The following NGFR variants were observed in gnomAD, a reference collection of about 807,000 sequenced individuals.
NGFR encodes the protein tumor necrosis factor receptor superfamily member 16.
NGFR carries 30 observed loss-of-function variants against 43.2 expected under a neutral mutation model. That is an observed-to-expected ratio of 0.69 (90% CI 0.52 to 0.94). The LOEUF (loss-of-function observed/expected upper bound fraction) is 0.94. Among genes scored for constraint, NGFR ranks in the 40% least tolerant of loss-of-function variants. The pLI, the probability that NGFR is intolerant of heterozygous loss-of-function variation, is 0.00. For missense variants in NGFR, 529 were observed against 602.5 expected (o/e 0.88, Z 1.28); for synonymous variants, 246 against 259.6 (o/e 0.95, Z 0.50).
intron 2 of NGFR, among the ~76,000 whole-genome samples, chr17:49,503,697 C>T (rs1481556405): frequency 6.6e-6 from 1 of 152,180 alleles, no homozygotes; most frequent in East Asian, 1.9e-4. Context: ...GGAGGTGGGA[C>T]ATCCTCCAAT....
intron 1 of NGFR, among the ~76,000 whole-genome samples, chr17:49,498,493 C>T (rs559858698): frequency 3.9e-5 from 6 of 152,308 alleles, no homozygotes; most frequent in Non-Finnish European, 7.3e-5. Flanking sequence ...GTGACCACGG[C>T]CCCATTCACT....
intron 3 of NGFR, among the ~76,000 whole-genome samples, chr17:49,509,306 G>C (rs1353931811): frequency 6.6e-6 from 1 of 152,216 alleles, no homozygotes; most frequent in Non-Finnish European, 1.5e-5. Flanking sequence ...GGAGGGCAGA[G>C]CTGGGAGCCA....
At chr17:49,502,000 A>AGGCCCCCCCCCC in intron 1 of NGFR, 63 bp from the exon 2 acceptor site, 2 of 264,886 alleles carry the variant, frequency 7.6e-6, no homozygotes, top group South Asian at 4.6e-5. Flanking sequence ...CCCCGGAAGA[A>AGGCCCCCCCCCC]CCCCCCCCAA....
intron 1 of NGFR, among the ~76,000 whole-genome samples, chr17:49,500,868 G>A (rs1250209592): frequency 2.0e-5 from 3 of 152,164 alleles, no homozygotes; most frequent in Non-Finnish European, 4.4e-5. Flanking sequence ...ACCCTGATGA[G>A]GCCGCAGGAT....
At position 49,512,570 on chromosome 17, in the gene NGFR, C is replaced by A; in HGVS notation, c.983-138C>A. Reference sequence around the variant, plus strand: ...GGTGCCTTCACTTCCTGGTGCCCCACCCAGGACCTTGTCTTGGCCCCAGGC... The same window carrying A: ...GGTGCCTTCACTTCCTGGTGCCCCAACCAGGACCTTGTCTTGGCCCCAGGC... On this transcript the variant is annotated intron_variant, in intron 5 of 5. Transcript: ENST00000172229. The surrounding 1 kb of genome is among the most constrained non-coding windows in gnomAD (Gnocchi z 5.2). 8.7e-7 allele frequency: 1 copy of A among 1,148,396 alleles called. No individual in the cohort carries two copies. Among genetic ancestry groups the A allele is most frequent in the Non-Finnish European group, 1.2e-6 (1 of 809,822 alleles). The allele number at this position is 1,148,396 out of a possible 1,614,324, so 71.1% of individuals were successfully genotyped here. A position where few individuals can be genotyped will look rare whatever the true frequency, so the allele number is the denominator to read the frequency against.
chr17:49,512,010 C>G lies in NGFR; in HGVS notation c.940C>G (p.Leu314Val). ...TGGCATCTCCGTGGACAGCCAGAGC[C>G]TGCATGACCAGCAGCCCCACACGCA... Reference protein sequence around the residue: ...DSGISVDSQSLHDQQPHTQTA... With the variant: ...DSGISVDSQSVHDQQPHTQTA... Residue 314 changes from leucine (L) to valine (V), a missense_variant, in exon 5 of 6, where the codon CTG (leucine) becomes GTG (valine). Coordinates refer to ENST00000172229, the MANE Select transcript of NGFR (RefSeq NM_002507.4). The surrounding 1 kb of genome is among the most constrained non-coding windows in gnomAD (Gnocchi z 5.2). 1 of 1,613,884 alleles carries G rather than the reference C, an allele frequency of 6.2e-7. No homozygotes were observed. The highest frequency in any genetic ancestry group is 1.1e-5 in the South Asian group (1 of 91,050).
chr17:49,502,009 A>ACCC, intron 1 of NGFR, 54 bp from the exon 2 acceptor site: 1 of 165,868 alleles, frequency 6.0e-6, no homozygotes, highest in Non-Finnish European at 1.1e-5. Context: ...AACCCCCCCC[A>ACCC]ACCCACCCCA....
chr17:49,501,924 TC>T, intron 1 of NGFR, 138 bp from the exon 2 acceptor site: 2 of 773,522 alleles, frequency 2.6e-6, no homozygotes. Flanking sequence ...TCCTAACGCC[TC>T]CCTGGTGAGC....
Position 49,502,107 on chromosome 17 carries a change from C to A in NGFR, c.111C>A (p.Tyr37Ter). The change falls in exon 2 of 6, where the codon TAC (tyrosine) becomes TAA (stop). Residue 37 changes from tyrosine to a stop codon, truncating the protein, a stop_gained. Transcript: ENST00000172229. LOFTEE classifies it high-confidence loss of function. ...AGGAGGCATGCCCCACAGGCCTGTA[C>A]ACACACAGCGGTGAGTGCTGCAAAG... is the stretch of plus-strand genomic sequence containing the variant. ...GAKEACPTGLYTHSGECCKAC... is the reference protein window; with the variant it reads ...GAKEACPTGL The A allele has an allele frequency of 2.5e-6, 4 of 1,605,188 alleles. No individual in the cohort carries two copies. Among genetic ancestry groups the A allele is most frequent in the South Asian group, 1.1e-5 (1 of 90,818 alleles).
intron 3 of NGFR, among the ~76,000 whole-genome samples, chr17:49,508,822 C>A (rs541245330): frequency 1.2e-4 from 18 of 152,240 alleles, no homozygotes; most frequent in Non-Finnish European, 2.6e-4. Context: ...TCTGGTCTGG[C>A]CACGCCTTGC....
chr17:49,513,253 T>A lies in NGFR; in HGVS notation c.*244T>A. The A allele has an allele frequency of 2.0e-6, 1 of 487,984 alleles. No homozygotes were observed. Among genetic ancestry groups the A allele is most frequent in the Non-Finnish European group, 3.6e-6 (1 of 278,248 alleles). The allele number at this position is 487,984 out of a possible 1,614,324, so 30.2% of individuals were successfully genotyped here. On this transcript the variant is annotated 3_prime_UTR_variant, in exon 6 of 6. Coordinates refer to ENST00000172229, the MANE Select transcript of NGFR (RefSeq NM_002507.4). ...AGTGCCCCTGCTGCCTCCCCAACCC[T>A]GCCCCTGCCCCGTCACCATCTCAGG... is the stretch of plus-strand genomic sequence containing the variant.
At chr17:49,508,606 G>A (rs1369691451) in intron 3 of NGFR, among the ~76,000 whole-genome samples, 1 of 152,206 alleles carries the variant, frequency 6.6e-6, no homozygotes, top group Non-Finnish European at 1.5e-5. Context: ...CCTCAGGGCA[G>A]AAGGGCTACC....
In NGFR at chr17:49,512,999, C is replaced by A. The variant is rs754805007; in HGVS notation, c.1274C>A (p.Ser425Tyr). The A allele has an allele frequency of 1.3e-6, 2 of 1,565,598 alleles. No homozygotes were observed. Among genetic ancestry groups the A allele is most frequent in the Admixed American group, 1.8e-5 (1 of 56,166 alleles). Reference protein sequence around the residue: ...ESLCSESTATSPV With the variant: ...ESLCSESTATYPV ...CTGTGCAGTGAGTCCACTGCCACAT[C>A]CCCGGTGTGAGCCCAACCGGGGAGC... The change falls in exon 6 of 6, where the codon TCC becomes TAC. Residue 425 changes from serine to tyrosine, a missense_variant. Coordinates refer to ENST00000172229, the MANE Select transcript of NGFR (RefSeq NM_002507.4). This position sits in a 1 kb window ranked among gnomAD's most constrained non-coding sequence, Gnocchi z 5.2.
chr17:49,505,519 G>A (rs932103854), intron 2 of NGFR: 4 of 152,292 alleles, frequency 2.6e-5, no homozygotes, highest in Admixed American at 1.3e-4. Flanking sequence ...TGAAGAATGA[G>A]CTTGGACATC....
rs2071134133 is a variant in NGFR, at chr17:49,495,660, G to T, written c.66+177G>T. On this transcript the variant is annotated intron_variant, in intron 1 of 5. Coordinates refer to ENST00000172229, the MANE Select transcript of NGFR (RefSeq NM_002507.4). The surrounding 1 kb of genome is among the most constrained non-coding windows in gnomAD (Gnocchi z 6.4). ...AAGGAGGGTCTAGGGTTCCCGGAGC[G>T]CAGAGGCGACTCTCCAGGGTGGAGA... 25 of 528,422 alleles carry T rather than the reference G, an allele frequency of 4.7e-5. No homozygotes were observed. In the East Asian group the frequency reaches 7.4e-4, roughly 16 times the overall value. 32.7% of individuals were successfully genotyped at this position (528,422 alleles called of 1,614,324 possible). A position where few individuals can be genotyped will look rare whatever the true frequency, so the allele number is the denominator to read the frequency against.
At position 49,512,408 on chromosome 17, in the gene NGFR, A is replaced by G. The variant is rs182624909; in HGVS notation, c.983-300A>G. Among the ~76,000 whole-genome samples the G allele has an allele frequency of 6.6e-6, 1 of 152,166 alleles. No individual in the cohort carries two copies. Among genetic ancestry groups the G allele is most frequent in the Non-Finnish European group, 1.5e-5 (1 of 68,020 alleles). ...TAGTGGCCCATAGCCCAGCTCCGGG[A>G]CACTTGCTGTAGTTGTCTAGAACTG... On this transcript the variant is annotated intron_variant, in intron 5 of 5. Transcript: ENST00000172229. This position sits in a 1 kb window ranked among gnomAD's most constrained non-coding sequence, Gnocchi z 5.2.
intron 2 of NGFR, chr17:49,506,017 CTT>C: frequency 2.1e-6 from 1 of 482,076 alleles, no homozygotes; most frequent in Non-Finnish European, 3.6e-6. Flanking sequence ...TGCCAAGAAA[CTT>C]AGCGGCACCA....
At chr17:49,502,018 C>CCCCCCCCACAA in intron 1 of NGFR, 45 bp from the exon 2 acceptor site, 1 of 1,320,362 alleles carries the variant, frequency 7.6e-7, no homozygotes, top group Non-Finnish European at 1.0e-6. Context: ...CAACCCACCC[C>CCCCCCCCACAA]AGCTTTCTCT....
rs1171090640 is a variant in NGFR at position 49,513,217 on chromosome 17, C to A, written c.*208C>A. 1 of 558,136 alleles carries A rather than the reference C, an allele frequency of 1.8e-6. No homozygotes were observed. The allele number at this position is 558,136 out of a possible 1,614,324, so 34.6% of individuals were successfully genotyped here. Reference sequence around the variant, plus strand: ...CTTCACTTCTGACCACACTTCCTGTCCAGAGAGAGAAGTGCCCCTGCTGCC... The same window carrying A: ...CTTCACTTCTGACCACACTTCCTGTACAGAGAGAGAAGTGCCCCTGCTGCC... On this transcript the variant is annotated 3_prime_UTR_variant, in exon 6 of 6. Transcript: ENST00000172229.
Sources: allele counts gnomAD v4.1 joint callset (sites outside exome capture counted in the v4.1 genomes callset), GRCh38; gene constraint gnomAD v4.1.1; non-coding constraint Gnocchi (gnomAD v3.1); transcripts MANE v1.5; gene names NCBI Gene and HGNC (gene_info 2026-07-23, HGNC 2026-07-21).